The following SHD variants were observed in gnomAD, a reference collection of about 807,000 sequenced individuals.
SHD encodes the protein Src homology 2 domain containing transforming protein D, also known as SH2 domain-containing adapter protein D.
SHD carries 29 observed loss-of-function variants against 31.2 expected under a neutral mutation model. The ratio of observed to expected loss-of-function variants is 0.93; its 90% confidence interval spans 0.69 to 1.27. SHD has a LOEUF of 1.27. Ranked by LOEUF, SHD falls within the 50% of genes most tolerant of loss-of-function variation. SHD has a pLI of 0.00. For missense variants in SHD, 520 were observed against 453.8 expected, an observed-to-expected ratio of 1.15 and a Z score of -1.33; for synonymous variants, 208 against 187.8, an observed-to-expected ratio of 1.11 and a Z score of -0.88.
At chr19:4,288,862 G>A (rs949090338) in intron 5 of SHD, among the ~76,000 whole-genome samples, 10 of 152,150 alleles carry the variant, frequency 6.6e-5, no homozygotes, top group South Asian at 2.1e-4. Flanking sequence ...GGGGCTGAGC[G>A]CGGCAGCTGA....
At chr19:4,280,565 C>T (rs141688780) in intron 1 of SHD, among the ~76,000 whole-genome samples, 161 of 152,236 alleles carry the variant, frequency 1.1e-3, no homozygotes, top group Non-Finnish European at 1.6e-3. Context: ...CTCCCCCTGT[C>T]ACCCAGGCTG....
At chr19:4,286,257 TTCTCTC>T (rs879317875) in intron 4 of SHD, among the ~76,000 whole-genome samples, 1 of 124,034 alleles carries the variant, frequency 8.1e-6, no homozygotes, top group African/African-American at 3.6e-5. Flanking sequence ...CTTTCTTTCT[TTCTCTC>T]TTTCTTTCTT....
chr19:4,282,049 CAG>C (rs1268505745), intron 1 of SHD, among the ~76,000 whole-genome samples: 1 of 152,164 alleles, frequency 6.6e-6, no homozygotes, highest in African/African-American at 2.4e-5. Context: ...GGGATCAAGA[CAG>C]AGGGAGACGT....
intron 1 of SHD, 72 bp downstream of exon 1, chr19:4,280,432 G>C: frequency 2.7e-6 from 4 of 1,459,162 alleles, no homozygotes; most frequent in Non-Finnish European, 3.6e-6. Flanking sequence ...ATCGTGGAGA[G>C]CTTATTTTAT....
intron 1 of SHD, 48 bp from the exon 2 acceptor site, chr19:4,282,822 G>C: frequency 6.4e-7 from 1 of 1,555,076 alleles, no homozygotes. Flanking sequence ...TCAATTAGCA[G>C]GGAAGCCCCT....
rs766577593 is a variant in SHD at position 4,283,121 on chromosome 19, T to G, written c.471T>G (p.Asp157Glu). ...PYEEQDPETA[D>E]GPPSGQKPRQ... ...AGGAACAGGACCCAGAGACAGCAGATGGACCCCCTTCTGGGCAGAAGCCTC... is the reference window on the plus strand; with the variant it reads ...AGGAACAGGACCCAGAGACAGCAGAGGGACCCCCTTCTGGGCAGAAGCCTC... Residue 157 changes from aspartate (D) to glutamate (E), a missense_variant, in exon 3 of 6, where the codon GAT becomes GAG. Physicochemically the swap from Asp to Glu is conservative, Grantham distance 45. Coordinates refer to ENST00000543264, the MANE Select transcript of SHD (RefSeq NM_020209.4). 1 of 1,614,148 alleles carries G rather than the reference T, an allele frequency of 6.2e-7. No individual in the cohort carries two copies.
chr19:4,290,195 G>A lies in SHD; in HGVS notation c.837-252G>A, dbSNP rs143057768. 7.7e-3 allele frequency among the ~76,000 whole-genome samples: 1,170 copies of A among 152,146 alleles called. 17 individuals are homozygous for A. The highest frequency in any genetic ancestry group is 0.027 in the African/African-American group (1,102 of 41,514). On this transcript the variant is annotated intron_variant, in intron 5 of 5. Coordinates refer to ENST00000543264, the MANE Select transcript of SHD (RefSeq NM_020209.4). ...CCGCCTAATTTTTAAATGTTTTTTG[G>A]TGGAGACGGGGTCTCACTCTGTTGG...
chr19:4,286,292 C>T (rs199952613), intron 4 of SHD, among the ~76,000 whole-genome samples: 46 of 100,912 alleles, frequency 4.6e-4, no homozygotes, highest in African/African-American at 2.3e-3. Context: ...TTTTTCTTTC[C>T]TTCCTTCCTT....
chr19:4,285,870 CTTTCT>C (rs1356840004), intron 4 of SHD, among the ~76,000 whole-genome samples: 9 of 133,608 alleles, frequency 6.7e-5, no homozygotes, highest in Admixed American at 4.9e-4. Flanking sequence ...CTTCTCTTCT[CTTTCT>C]TTTCTTTTCC....
At chr19:4,286,274 T>C (rs1190435189) in intron 4 of SHD, among the ~76,000 whole-genome samples, 79 of 122,880 alleles carry the variant, frequency 6.4e-4, no homozygotes, top group Admixed American at 1.6e-3. Flanking sequence ...TTTCTTTCTT[T>C]CTTTCTTTTT....
intron 1 of SHD, 43 bp from the exon 2 acceptor site, chr19:4,282,827 G>A: frequency 6.3e-7 from 1 of 1,574,986 alleles, no homozygotes; most frequent in Non-Finnish European, 8.7e-7. Flanking sequence ...TAGCAGGGAA[G>A]CCCCTCTGAG....
intron 5 of SHD, 59 bp downstream of exon 5, chr19:4,288,421 G>A (rs138356403): frequency 4.5e-6 from 7 of 1,545,000 alleles, no homozygotes; most frequent in Admixed American, 3.9e-5. Context: ...CACCCTTTTG[G>A]GTTAATTCAG....
Position 4,283,064 on chromosome 19 carries a change from C to G in SHD, c.414C>G (p.Gly138=). The G allele has an allele frequency of 6.2e-7, 1 of 1,613,726 alleles. No homozygotes were observed. Among genetic ancestry groups the G allele is most frequent in the Non-Finnish European group, 8.5e-7 (1 of 1,179,698 alleles). ...TCCCTGGCCTCCTAGAACTTCCCGGCAGAGGGGTGCAGCTCTATGACACCC... is the reference window on the plus strand; with the variant it reads ...TCCCTGGCCTCCTAGAACTTCCCGGGAGAGGGGTGCAGCTCTATGACACCC... ...DAQWVMSELP[G]RGVQLYDTPY... The change falls in exon 3 of 6, where the codon GGC becomes GGG. Residue 138 remains glycine (G), a synonymous_variant. Coordinates refer to ENST00000543264, the MANE Select transcript of SHD (RefSeq NM_020209.4).
At position 4,279,822 on chromosome 19, in the gene SHD, A is replaced by C; in HGVS notation, c.-242A>C. ...CCCCCCTTCCCCCGCGGTGCTTCCCAAGCTGGGCTAAGGCGGGCTTCTCTT... is the reference window on the plus strand; with the variant it reads ...CCCCCCTTCCCCCGCGGTGCTTCCCCAGCTGGGCTAAGGCGGGCTTCTCTT... On this transcript the variant is annotated 5_prime_UTR_variant, in exon 1 of 6. Transcript: ENST00000543264. This position sits in a 1 kb window ranked among gnomAD's most constrained non-coding sequence, Gnocchi z 7.5. 3.7e-6 allele frequency: 2 copies of C among 534,194 alleles called. No homozygotes were observed. The highest frequency in any genetic ancestry group is 6.5e-6 in the Non-Finnish European group (2 of 307,830). 33.1% of individuals were successfully genotyped at this position (534,194 alleles called of 1,614,324 possible).
chr19:4,284,721 C>A lies in SHD; in HGVS notation c.593-60C>A, dbSNP rs545755620. On this transcript the variant is annotated intron_variant, in intron 3 of 5. Coordinates refer to ENST00000543264, the MANE Select transcript of SHD (RefSeq NM_020209.4). ...CTACCGAGATTCCATTGGCTTGCCCCTGCCCCGCCCCCCAAGGTAGGCTGG... is the reference window on the plus strand; with the variant it reads ...CTACCGAGATTCCATTGGCTTGCCCATGCCCCGCCCCCCAAGGTAGGCTGG... 1.8e-5 allele frequency: 25 copies of A among 1,415,468 alleles called. No individual in the cohort carries two copies. In the East Asian group the frequency reaches 6.1e-4, roughly 35 times the overall value. The allele number at this position is 1,415,468 out of a possible 1,614,324, so 87.7% of individuals were successfully genotyped here.
chr19:4,290,550 C>CTCCACTACAGTTCACG lies in SHD; in HGVS notation c.941_956dup (p.Pro322GlnfsTer52). The stretch of plus-strand genomic sequence containing the variant: ...CTTCCCCAGCGTGCCCGAGCTCGTC[C>CTCCACTACAGTTCACG]TCCACTACAGTTCACGCCCACTGCC... On this transcript the variant is annotated frameshift_variant, in exon 6 of 6. Transcript: ENST00000543264. LOFTEE classifies it low-confidence loss of function (END_TRUNC). The CTCCACTACAGTTCACG allele has an allele frequency of 6.2e-7, 1 of 1,613,706 alleles. No individual in the cohort carries two copies. The highest frequency in any genetic ancestry group is 8.5e-7 in the Non-Finnish European group (1 of 1,179,980).
intron 4 of SHD, among the ~76,000 whole-genome samples, chr19:4,286,836 C>T (rs1219325794): frequency 2.6e-5 from 4 of 151,494 alleles, no homozygotes; most frequent in Admixed American, 2.0e-4. Context: ...GCTGAGATCA[C>T]GCCACTGTAC....
Position 4,289,457 on chromosome 19 carries a change from G to C in SHD, c.837-990G>C, listed in dbSNP as rs973026359. 1.2e-4 allele frequency among the ~76,000 whole-genome samples: 18 copies of C among 151,930 alleles called. No homozygotes were observed. In the East Asian group the frequency reaches 3.3e-3, roughly 28 times the overall value. ...GACAGGGTTTCGCCATGTTGGCCAG[G>C]CTGGTCTCAAACTCCTGGCCTCAAG... is the stretch of plus-strand genomic sequence containing the variant. On this transcript the variant is annotated intron_variant, in intron 5 of 5. Coordinates refer to ENST00000543264, the MANE Select transcript of SHD (RefSeq NM_020209.4).
chr19:4,281,133 G>A (rs1001704524), intron 1 of SHD, among the ~76,000 whole-genome samples: 4 of 152,062 alleles, frequency 2.6e-5, no homozygotes, highest in African/African-American at 7.2e-5. Flanking sequence ...GTCTCACGGG[G>A]TTCTAGCTTA....
Sources: gnomAD v4.1 joint callset for allele counts (sites outside exome capture counted in the v4.1 genomes callset) on GRCh38, gnomAD v4.1.1 for gene constraint, Gnocchi (gnomAD v3.1) non-coding constraint, MANE v1.5 for transcripts, NCBI Gene and HGNC (gene_info 2026-07-23, HGNC 2026-07-21) for gene names.